KSR2: variants seen among roughly 807,000 people sequenced by gnomAD.
The protein encoded by KSR2 is kinase suppressor of ras 2.
Under a neutral mutation model 107.8 loss-of-function variants are expected in KSR2, and 25 were observed. The observed-to-expected ratio is 0.23, with a 90% CI of 0.17 to 0.32. The LOEUF (loss-of-function observed/expected upper bound fraction) is 0.32. KSR2 is among the 10% of genes least tolerant of loss of function. The pLI, the probability that KSR2 is intolerant of heterozygous loss-of-function variation, is 1.00. For missense variants in KSR2, 887 were observed against 1,268.9 expected, an observed-to-expected ratio of 0.70 and a Z score of 4.57; for synonymous variants, 480 against 507.0, an observed-to-expected ratio of 0.95 and a Z score of 0.71.
intron 14 of KSR2, among the ~76,000 whole-genome samples, chr12:117,516,086 A>C (rs4766855): frequency 0.35 from 53,118 of 151,912 alleles, 10,699 homozygotes; most frequent in South Asian, 0.53. Flanking sequence ...TTCCCATCTC[A>C]ACCGGGCCAC....
At chr12:117,570,971 A>C (rs1878852292) in intron 7 of KSR2, among the ~76,000 whole-genome samples, 1 of 152,232 alleles carries the variant, frequency 6.6e-6, no homozygotes, top group South Asian at 2.1e-4. Flanking sequence ...GAAGAAACCT[A>C]TTCCAGCCAG....
chr12:117,490,994 T>C (rs1872715207), intron 14 of KSR2, among the ~76,000 whole-genome samples: 1 of 152,162 alleles, frequency 6.6e-6, no homozygotes, highest in African/African-American at 2.4e-5. Context: ...TTGATTATAA[T>C]CACCATGATG....
chr12:117,574,103 A>G (rs1039437469), intron 7 of KSR2, among the ~76,000 whole-genome samples: 4 of 152,154 alleles, frequency 2.6e-5, no homozygotes, highest in African/African-American at 9.7e-5. Context: ...CAGCCTCAGC[A>G]TGGCCTGGGA....
At chr12:117,885,814 G>T (rs1350572757) in intron 1 of KSR2, among the ~76,000 whole-genome samples, 2 of 151,892 alleles carry the variant, frequency 1.3e-5, no homozygotes, top group Non-Finnish European at 2.9e-5. Flanking sequence ...TAACAAACCT[G>T]GCCGGGCGCG....
At chr12:117,514,526 TTC>T (rs540321556) in intron 14 of KSR2, among the ~76,000 whole-genome samples, 276 of 145,390 alleles carry the variant, frequency 1.9e-3, no homozygotes, top group African/African-American at 6.3e-3. Context: ...TGTCTTTGGT[TTC>T]TCTCTCTCTC....
At chr12:117,850,732 C>A (rs1331065684) in intron 3 of KSR2, among the ~76,000 whole-genome samples, 1 of 151,602 alleles carries the variant, frequency 6.6e-6, no homozygotes, top group Non-Finnish European at 1.5e-5. Context: ...TCGCTTGACC[C>A]CAGGAGGTAG....
intron 4 of KSR2, among the ~76,000 whole-genome samples, chr12:117,673,662 C>T (rs2136508022): frequency 6.6e-6 from 1 of 152,048 alleles, no homozygotes; most frequent in East Asian, 1.9e-4. Context: ...TCCATCCACC[C>T]TCATTACCAA....
At chr12:117,621,010 T>C (rs953408954) in intron 5 of KSR2, among the ~76,000 whole-genome samples, 2 of 152,262 alleles carry the variant, frequency 1.3e-5, no homozygotes, top group South Asian at 2.1e-4. Context: ...ATTATTGAAT[T>C]TGGAGGCAGT....
intron 14 of KSR2, among the ~76,000 whole-genome samples, chr12:117,507,075 A>G (rs1408211926): frequency 6.6e-6 from 1 of 152,196 alleles, no homozygotes; most frequent in Non-Finnish European, 1.5e-5. Context: ...TTTCATTAAA[A>G]TCCACCTGAA....
In KSR2 at chr12:117,750,038, A is replaced by C. The variant is rs568769621; in HGVS notation, c.986+10973T>G. 1.1e-3 allele frequency among the ~76,000 whole-genome samples: 163 copies of C among 152,252 alleles called. 1 individual carries two copies. The highest frequency in any genetic ancestry group is 6.5e-3 in the Admixed American group (100 of 15,290). Reference sequence around the variant, plus strand: ...TGAGGCAGGTGGACCACCCGAGGTCAGGAGTTCGAGACCAGCCTGGCCAAC... The same window carrying C: ...TGAGGCAGGTGGACCACCCGAGGTCCGGAGTTCGAGACCAGCCTGGCCAAC... On this transcript the variant is annotated intron_variant, in intron 4 of 19. Coordinates refer to ENST00000339824, the MANE Select transcript of KSR2 (RefSeq NM_173598.6).
At chr12:117,506,327 G>C (rs1018151630) in intron 14 of KSR2, among the ~76,000 whole-genome samples, 15 of 152,112 alleles carry the variant, frequency 9.9e-5, no homozygotes, top group African/African-American at 3.6e-4. Context: ...GGATTTTATT[G>C]GTTCTCCATA....
intron 5 of KSR2, among the ~76,000 whole-genome samples, chr12:117,653,724 C>A (rs1166932783): frequency 6.6e-6 from 1 of 152,184 alleles, no homozygotes; most frequent in Non-Finnish European, 1.5e-5. Context: ...CCTCCTACAA[C>A]AAAAAAGAGG....
chr12:117,627,560 T>A (rs1006942905), intron 5 of KSR2, among the ~76,000 whole-genome samples: 1 of 152,224 alleles, frequency 6.6e-6, no homozygotes, highest in African/African-American at 2.4e-5. Flanking sequence ...GGGTTTCTGC[T>A]GAGAGATCCA....
intron 5 of KSR2, among the ~76,000 whole-genome samples, chr12:117,643,170 G>T (rs760070973): frequency 2.6e-5 from 4 of 152,162 alleles, no homozygotes; most frequent in Non-Finnish European, 4.4e-5. Flanking sequence ...GCCGGGCACG[G>T]TGACTCACAC....
At chr12:117,852,138 C>T (rs1046104934) in intron 3 of KSR2, among the ~76,000 whole-genome samples, 2 of 151,852 alleles carry the variant, frequency 1.3e-5, no homozygotes, top group African/African-American at 4.8e-5. Context: ...GATCAGAGGA[C>T]AGGGCCAGGT....
At position 117,457,935 on chromosome 12, in the gene KSR2, T is replaced by C. The variant is rs895610275; in HGVS notation, c.*9264A>G. 2 of 152,234 alleles carry C rather than the reference T, an allele frequency of 1.3e-5. No homozygotes were observed. Among genetic ancestry groups the C allele is most frequent in the Non-Finnish European group, 2.9e-5 (2 of 68,052 alleles). 9.4% of individuals were successfully genotyped at this position (152,234 alleles called of 1,614,324 possible). On this transcript the variant is annotated 3_prime_UTR_variant, in exon 20 of 20. Transcript: ENST00000339824. Reference sequence around the variant, plus strand: ...CTTTGTCAGCAGCTCTCCCACAGTATACCCTCTCCCATGTTTCTGGTCCCC... The same window carrying C: ...CTTTGTCAGCAGCTCTCCCACAGTACACCCTCTCCCATGTTTCTGGTCCCC...
rs190467481 is a variant in KSR2 at position 117,842,174 on chromosome 12, G to T, written c.472+13254C>A. ...TCTGGGGGATTCTGATACATGTTGA[G>T]GTTTTGAGCACCACTGTTCTTGTGG... On this transcript the variant is annotated intron_variant, in intron 3 of 19. Coordinates refer to ENST00000339824, the MANE Select transcript of KSR2 (RefSeq NM_173598.6). The surrounding 1 kb of genome is among the most constrained non-coding windows in gnomAD (Gnocchi z 4.2). 6.6e-6 allele frequency among the ~76,000 whole-genome samples: 1 copy of T among 152,346 alleles called. No individual in the cohort carries two copies. The highest frequency in any genetic ancestry group is 6.5e-5 in the Admixed American group (1 of 15,304).
At chr12:117,733,863 G>A (rs141694496) in intron 4 of KSR2, among the ~76,000 whole-genome samples, 10 of 152,246 alleles carry the variant, frequency 6.6e-5, no homozygotes, top group Non-Finnish European at 1.3e-4. Flanking sequence ...ACCCCTCATA[G>A]GCACCGAAAA....
At chr12:117,503,574 C>T (rs989394352) in intron 14 of KSR2, among the ~76,000 whole-genome samples, 1 of 152,174 alleles carries the variant, frequency 6.6e-6, no homozygotes, top group African/African-American at 2.4e-5. Flanking sequence ...GCATGGAAGA[C>T]AGCTGCCCTG....
Sources: allele counts gnomAD v4.1 joint callset (sites outside exome capture counted in the v4.1 genomes callset), GRCh38; gene constraint gnomAD v4.1.1; non-coding constraint Gnocchi (gnomAD v3.1); transcripts MANE v1.5; gene names NCBI Gene and HGNC (gene_info 2026-07-23, HGNC 2026-07-21).